Variants in PRMT8 observed in about 807,000 individuals in gnomAD.
PRMT8 encodes the protein protein arginine N-methyltransferase 8.
PRMT8 carries 7 observed loss-of-function variants against 47.1 expected under a neutral mutation model. The observed-to-expected ratio is 0.15, with a 90% confidence interval of 0.08 to 0.28. The LOEUF (loss-of-function observed/expected upper bound fraction) is 0.28. Ranked by LOEUF, PRMT8 falls within the 10% of genes least tolerant of loss-of-function variation. The pLI is 1.00. For missense variants in PRMT8, 237 were observed against 505.4 expected (o/e 0.47, Z 5.09); for synonymous variants, 188 against 186.5 (o/e 1.01, Z -0.07).
Position 3,538,195 on chromosome 12 carries a change from A to G in PRMT8, c.76-2411A>G, listed in dbSNP as rs1866154445. On this transcript the variant is annotated intron_variant, in intron 1 of 9. Coordinates refer to ENST00000382622, the MANE Select transcript of PRMT8 (RefSeq NM_019854.5). The surrounding 1 kb of genome is among the most constrained non-coding windows in gnomAD (Gnocchi z 4.6). ...CCTCCTGCTATCCCAGGGCTTCCTGACTCTCTGCATTAAAGTGAATTCTCT... is the reference window on the plus strand; with the variant it reads ...CCTCCTGCTATCCCAGGGCTTCCTGGCTCTCTGCATTAAAGTGAATTCTCT... The G allele has an allele frequency of 6.5e-6, 1 of 153,346 alleles. No individual in the cohort carries two copies. Among genetic ancestry groups the G allele is most frequent in the South Asian group, 2.0e-4 (1 of 4,888 alleles). The allele number at this position is 153,346 out of a possible 1,614,324, so 9.5% of individuals were successfully genotyped here.
intron 4 of PRMT8, among the ~76,000 whole-genome samples, chr12:3,562,987 A>G (rs1262596646): frequency 6.6e-6 from 1 of 152,156 alleles, no homozygotes; most frequent in Non-Finnish European, 1.5e-5. Context: ...CACTCTACCC[A>G]GTACCAGTGC....
At chr12:3,558,572 A>G (rs1272211483) in intron 4 of PRMT8, among the ~76,000 whole-genome samples, 3 of 152,202 alleles carry the variant, frequency 2.0e-5, no homozygotes, top group South Asian at 2.1e-4. Context: ...TTTAGTTGTC[A>G]TGACTGGTTC....
At chr12:3,397,118 AT>A (rs1267830754) in intron 1 of PRMT8, among the ~76,000 whole-genome samples, 1 of 150,540 alleles carries the variant, frequency 6.6e-6, no homozygotes, top group Non-Finnish European at 1.5e-5. Context: ...ATTCTTCTAA[AT>A]TTTTTTCAAA....
intron 8 of PRMT8, among the ~76,000 whole-genome samples, chr12:3,590,078 C>T (rs1867266846): frequency 6.6e-6 from 1 of 152,034 alleles, no homozygotes; most frequent in East Asian, 1.9e-4. Flanking sequence ...AGCAGTATGC[C>T]CTGAAGGCCA....
chr12:3,486,159 T>C (rs1423800066), intron 1 of PRMT8, among the ~76,000 whole-genome samples: 1 of 152,174 alleles, frequency 6.6e-6, no homozygotes, highest in Non-Finnish European at 1.5e-5. Flanking sequence ...AAAAAGAATG[T>C]GTCTCCAGGC....
chr12:3,443,724 C>T (rs1864828383), intron 1 of PRMT8, among the ~76,000 whole-genome samples: 1 of 152,182 alleles, frequency 6.6e-6, no homozygotes, highest in South Asian at 2.1e-4. Flanking sequence ...GCTTGTCAAT[C>T]AGATTTGCAA....
At chr12:3,539,478 A>C (rs149822414) in intron 1 of PRMT8, among the ~76,000 whole-genome samples, 2 of 152,160 alleles carry the variant, frequency 1.3e-5, no homozygotes, top group African/African-American at 4.8e-5. Flanking sequence ...TCCCAGCCCT[A>C]GAGGACTGAC....
chr12:3,478,271 T>TCTAC (rs1277180787), intron 1 of PRMT8, among the ~76,000 whole-genome samples: 1 of 128,692 alleles, frequency 7.8e-6, no homozygotes, highest in African/African-American at 2.9e-5. Flanking sequence ...CATCTATCTA[T>TCTAC]CTATCTATCT....
At chr12:3,458,988 G>GAC (rs1204769166) in intron 1 of PRMT8, among the ~76,000 whole-genome samples, 1 of 152,232 alleles carries the variant, frequency 6.6e-6, no homozygotes, top group African/African-American at 2.4e-5. Context: ...TTCTAGCTGG[G>GAC]ACATTCTCTT....
chr12:3,386,940 C>A (rs1255771158), intron 1 of PRMT8, among the ~76,000 whole-genome samples: 1 of 151,742 alleles, frequency 6.6e-6, no homozygotes, highest in Non-Finnish European at 1.5e-5. Flanking sequence ...GAACTCCTGA[C>A]CTCATGATCC....
chr12:3,482,396 C>T (rs1865283202), intron 1 of PRMT8, among the ~76,000 whole-genome samples: 1 of 152,198 alleles, frequency 6.6e-6, no homozygotes, highest in South Asian at 2.1e-4. Context: ...TGTGATGAAG[C>T]CCACATTTGC....
chr12:3,403,519 C>T (rs942685422), intron 1 of PRMT8, among the ~76,000 whole-genome samples: 1 of 150,654 alleles, frequency 6.6e-6, no homozygotes, highest in African/African-American at 2.4e-5. Context: ...AGGAATTTCT[C>T]TGAAAAAAAT....
chr12:3,443,624 C>CT (rs1445250312), intron 1 of PRMT8, among the ~76,000 whole-genome samples: 1 of 152,212 alleles, frequency 6.6e-6, no homozygotes, highest in African/African-American at 2.4e-5. Flanking sequence ...CCTGTGCTCT[C>CT]TCCCCCTTCA....
At chr12:3,506,231 T>C (rs981969503) in intron 1 of PRMT8, among the ~76,000 whole-genome samples, 8 of 152,322 alleles carry the variant, frequency 5.3e-5, no homozygotes, top group Admixed American at 3.9e-4. Flanking sequence ...AGGGTTATCA[T>C]AGGGACTAAG....
intron 1 of PRMT8, among the ~76,000 whole-genome samples, chr12:3,415,051 G>A (rs1864470435): frequency 6.6e-6 from 1 of 151,976 alleles, no homozygotes. Flanking sequence ...CCCCAGGTTG[G>A]TTTACCTGTG....
At chr12:3,441,579 G>C (rs1468294300) in intron 1 of PRMT8, among the ~76,000 whole-genome samples, 1 of 152,180 alleles carries the variant, frequency 6.6e-6, no homozygotes, top group Non-Finnish European at 1.5e-5. Flanking sequence ...CACAGAGGGT[G>C]CTCCGTGCTC....
intron 1 of PRMT8, among the ~76,000 whole-genome samples, chr12:3,441,843 G>A (rs115844236): frequency 1.6e-4 from 24 of 152,304 alleles, no homozygotes; most frequent in African/African-American, 5.5e-4. Context: ...AAAATTGTTT[G>A]AAAAGTACAA....
intron 1 of PRMT8, among the ~76,000 whole-genome samples, chr12:3,414,540 T>G (rs1163115919): frequency 1.3e-5 from 2 of 152,098 alleles, no homozygotes; most frequent in Non-Finnish European, 2.9e-5. Context: ...ATGGGACTGG[T>G]CAGTTGCTTC....
At position 3,538,389 on chromosome 12, in the gene PRMT8, T is replaced by C. The variant is rs1222015893; in HGVS notation, c.76-2217T>C. On this transcript the variant is annotated intron_variant, in intron 1 of 9. Coordinates refer to ENST00000382622, the MANE Select transcript of PRMT8 (RefSeq NM_019854.5). This position sits in a 1 kb window ranked among gnomAD's most constrained non-coding sequence, Gnocchi z 4.6. ...ACAGGACCTGCACGCTGCCTTGCTG[T>C]TGGAGATCTGTGCAGTAGGCAGTTG... 6.5e-6 allele frequency: 2 copies of C among 309,658 alleles called. No homozygotes were observed. The highest frequency in any genetic ancestry group is 1.3e-5 in the Non-Finnish European group (2 of 155,552). 19.2% of individuals were successfully genotyped at this position (309,658 alleles called of 1,614,324 possible). A position where few individuals can be genotyped will look rare whatever the true frequency, so the allele number is the denominator to read the frequency against.
Sources: gnomAD v4.1 joint callset for allele counts (sites outside exome capture counted in the v4.1 genomes callset) on GRCh38, gnomAD v4.1.1 for gene constraint, Gnocchi (gnomAD v3.1) non-coding constraint, MANE v1.5 for transcripts, NCBI Gene and HGNC (gene_info 2026-07-23, HGNC 2026-07-21) for gene names.